PAK5: variants seen among roughly 807,000 people sequenced by gnomAD.
PAK5 encodes p21 (RAC1) activated kinase 5.
Under a neutral mutation model 65.9 loss-of-function variants are expected in PAK5, and 16 were observed. The ratio of observed to expected loss-of-function variants is 0.24; its 90% confidence interval spans 0.16 to 0.37. The LOEUF (loss-of-function observed/expected upper bound fraction) is 0.37, where lower values mean the gene tolerates loss of function less well. Ranked by LOEUF, PAK5 falls within the 10% of genes least tolerant of loss-of-function variation. The pLI, the probability that PAK5 is intolerant of heterozygous loss-of-function variation, is 1.00. For synonymous variants in PAK5, 371 were observed against 354.9 expected (o/e 1.05, Z -0.51); for missense variants, 785 against 903.9 (o/e 0.87, Z 1.69).
intron 2 of PAK5, among the ~76,000 whole-genome samples, chr20:9,686,745 A>G (rs2047724932): frequency 6.6e-6 from 1 of 152,132 alleles, no homozygotes; most frequent in South Asian, 2.1e-4. Context: ...CTTCGTCTGA[A>G]CCACCTGGGA....
intron 7 of PAK5, among the ~76,000 whole-genome samples, chr20:9,553,175 A>G (rs2045455974): frequency 2.0e-5 from 3 of 152,194 alleles, no homozygotes; most frequent in South Asian, 2.1e-4. Context: ...TTCAAATTTC[A>G]TCAGTTACAA....
At chr20:9,710,710 C>T (rs1482979825) in intron 2 of PAK5, among the ~76,000 whole-genome samples, 6 of 152,260 alleles carry the variant, frequency 3.9e-5, no homozygotes, top group East Asian at 1.9e-4. Flanking sequence ...CTTTCATTCA[C>T]CTGCTAATGA....
At chr20:9,773,436 T>C (rs2048855609) in intron 1 of PAK5, among the ~76,000 whole-genome samples, 1 of 152,084 alleles carries the variant, frequency 6.6e-6, no homozygotes, top group Non-Finnish European at 1.5e-5. Flanking sequence ...CCCCTTCCTG[T>C]GTCCAAGTGT....
intron 6 of PAK5, among the ~76,000 whole-genome samples, chr20:9,560,094 C>T (rs963888014): frequency 6.6e-6 from 1 of 152,192 alleles, no homozygotes; most frequent in Non-Finnish European, 1.5e-5. Context: ...AGATTCTTTA[C>T]AGGTCGACTA....
intron 1 of PAK5, among the ~76,000 whole-genome samples, chr20:9,742,520 G>C (rs913956753): frequency 3.9e-5 from 6 of 152,076 alleles, no homozygotes; most frequent in Non-Finnish European, 7.4e-5. Flanking sequence ...AGTCCCTTAG[G>C]CATCTTCAGT....
intron 1 of PAK5, among the ~76,000 whole-genome samples, chr20:9,794,150 G>C (rs879675530): frequency 6.6e-6 from 1 of 151,648 alleles, no homozygotes; most frequent in Admixed American, 6.6e-5. Flanking sequence ...ACATAGGGAG[G>C]GGAACAACAC....
At chr20:9,833,032 T>C (rs945578632) in intron 1 of PAK5, among the ~76,000 whole-genome samples, 37 of 152,246 alleles carry the variant, frequency 2.4e-4, no homozygotes, top group Admixed American at 1.3e-4. Flanking sequence ...ATTCTTCCCA[T>C]TGATTTTATA....
intron 6 of PAK5, among the ~76,000 whole-genome samples, chr20:9,559,740 C>A (rs745647942): frequency 4.0e-5 from 6 of 151,742 alleles, no homozygotes; most frequent in Non-Finnish European, 8.8e-5. Flanking sequence ...TCCAGCTAGG[C>A]GACAGAGTGA....
At chr20:9,736,435 T>C (rs1194804862) in intron 1 of PAK5, among the ~76,000 whole-genome samples, 2 of 152,184 alleles carry the variant, frequency 1.3e-5, no homozygotes, top group African/African-American at 4.8e-5. Context: ...GTGAATCCTG[T>C]CAAAAATAAA....
At chr20:9,611,168 C>T (rs1325884946) in intron 3 of PAK5, among the ~76,000 whole-genome samples, 1 of 152,232 alleles carries the variant, frequency 6.6e-6, no homozygotes, top group African/African-American at 2.4e-5. Context: ...CTATTGGAAT[C>T]CCTTTGCCTG....
intron 1 of PAK5, among the ~76,000 whole-genome samples, chr20:9,782,265 T>A (rs2048948561): frequency 6.6e-6 from 1 of 152,138 alleles, no homozygotes; most frequent in Admixed American, 6.6e-5. Flanking sequence ...ATGTCCTTAA[T>A]AATGATGCCC....
intron 4 of PAK5, among the ~76,000 whole-genome samples, chr20:9,576,722 T>C (rs1228087926): frequency 6.6e-6 from 1 of 152,234 alleles, no homozygotes; most frequent in African/African-American, 2.4e-5. Flanking sequence ...ATGCATGCAA[T>C]GTCTGGTAAA....
chr20:9,583,823 C>T (rs185072869), intron 3 of PAK5, among the ~76,000 whole-genome samples: 24 of 152,318 alleles, frequency 1.6e-4, no homozygotes, highest in Middle Eastern at 3.4e-3. Flanking sequence ...GATCTGTTTT[C>T]TGTCCTTATT....
At chr20:9,680,022 G>A (rs1048830435) in intron 2 of PAK5, among the ~76,000 whole-genome samples, 1 of 152,150 alleles carries the variant, frequency 6.6e-6, no homozygotes, top group East Asian at 1.9e-4. Flanking sequence ...GTTCAGATTT[G>A]TTTCTACTCT....
intron 9 of PAK5, among the ~76,000 whole-genome samples, chr20:9,540,568 A>G (rs1421000191): frequency 6.6e-6 from 1 of 152,184 alleles, no homozygotes; most frequent in East Asian, 1.9e-4. Context: ...ATTACTGTGT[A>G]GTATTCACTG....
intron 2 of PAK5, among the ~76,000 whole-genome samples, chr20:9,654,333 C>A (rs1264057006): frequency 6.6e-6 from 1 of 152,084 alleles, no homozygotes; most frequent in African/African-American, 2.4e-5. Context: ...TTTAAGGATG[C>A]TTGTATTATA....
chr20:9,732,726 A>G (rs1046392172), intron 1 of PAK5, among the ~76,000 whole-genome samples: 9 of 152,164 alleles, frequency 5.9e-5, no homozygotes, highest in African/African-American at 2.2e-4. Flanking sequence ...GTCTGTCAAT[A>G]TCTGTCTCCT....
intron 9 of PAK5, among the ~76,000 whole-genome samples, chr20:9,540,812 C>T (rs2045250149): frequency 6.6e-6 from 1 of 151,704 alleles, no homozygotes; most frequent in Non-Finnish European, 1.5e-5. Context: ...TCTGGGCTCA[C>T]TGCAAGCTCT....
chr20:9,673,843 T>C (rs1449399837), intron 2 of PAK5, among the ~76,000 whole-genome samples: 2 of 152,172 alleles, frequency 1.3e-5, no homozygotes, highest in Non-Finnish European at 2.9e-5. Context: ...GTAGACAACA[T>C]ACTTGCCCTA....
Sources: allele counts gnomAD v4.1 joint callset (sites outside exome capture counted in the v4.1 genomes callset), GRCh38; gene constraint gnomAD v4.1.1; transcripts MANE v1.5; gene names NCBI Gene and HGNC (gene_info 2026-07-23, HGNC 2026-07-21).